The following PCSK4 variants were observed in gnomAD, a reference collection of about 807,000 sequenced individuals.
PCSK4 encodes the protein proprotein convertase subtilisin/kexin type 4, also known as testicular tissue protein Li 135.
In PCSK4, 64 loss-of-function variants were observed where a neutral mutation model predicts 80.3. The ratio of observed to expected loss-of-function variants is 0.80; its 90% CI spans 0.65 to 0.98. The LOEUF is 0.98. Among genes scored for constraint, PCSK4 ranks in the 50% least tolerant of loss-of-function variants. The probability of loss-of-function intolerance (pLI) is 0.00; values close to 1 mark genes in which losing one functional copy is unlikely to be tolerated. For synonymous variants in PCSK4, 561 were observed against 487.6 expected, an observed-to-expected ratio of 1.15 and a Z score of -1.98; for missense variants, 1,213 against 1,093.6, an observed-to-expected ratio of 1.11 and a Z score of -1.54.
exon 7 of PCSK4, chr19:1,487,257 G>A (rs1277486442): frequency 5.0e-6 from 8 of 1,603,810 alleles, no homozygotes; most frequent in Non-Finnish European, 5.9e-6. Flanking sequence ...TGCGGCTGCA[G>A]GCTCAGCGAC....
intron 2 of PCSK4, 25 bp downstream of exon 2, chr19:1,489,768 G>T (rs750556534): frequency 8.8e-6 from 14 of 1,593,240 alleles, no homozygotes; most frequent in Non-Finnish European, 1.2e-5. Flanking sequence ...CCCGGGCAGG[G>T]GGTTGGCCTC....
Position 1,483,031 on chromosome 19 carries a change from AGGGTGGGTGG to A in PCSK4, c.1572-21_1572-12del. 2.4e-6 allele frequency: 1 copy of A among 421,680 alleles called. No homozygotes were observed. Among genetic ancestry groups the A allele is most frequent in the Non-Finnish European group, 4.8e-6 (1 of 208,006 alleles). 26.1% of individuals were successfully genotyped at this position (421,680 alleles called of 1,614,324 possible). ...CTGACGTCCAAGGGTCTGGGACAGA[AGGGTGGGTGG>A]GGGTGGGGGTGTCAAGAGGGATGGC... On this transcript the variant is annotated splice_polypyrimidine_tract_variant and intron_variant, in intron 12 of 14. Coordinates refer to ENST00000300954, the Ensembl canonical transcript of PCSK4.
chr19:1,489,674 C>G, intron 2 of PCSK4, 119 bp downstream of exon 2: 1 of 1,478,242 alleles, frequency 6.8e-7, no homozygotes. Context: ...CCGGGCGGGT[C>G]TGAGCCACAG....
chr19:1,490,675 CCCT>C (rs1387199213), upstream of PCSK4: 4 of 322,596 alleles, frequency 1.2e-5, no homozygotes, highest in Non-Finnish European at 2.3e-5. Context: ...TCCAACACAC[CCCT>C]CCTTCGAGAA....
At position 1,490,155 on chromosome 19, in the gene PCSK4, C is replaced by T; in HGVS notation, c.189+3G>A. ...ACTTCCCGTCTATCCCGGTCCCACC[C>T]ACCGGCCCCAGGTTGACGAAGCCGA... On this transcript the variant is annotated splice_donor_region_variant and intron_variant, in intron 1 of 14. Transcript: ENST00000300954. 1 of 1,613,596 alleles carries T rather than the reference C, an allele frequency of 6.2e-7. No individual in the cohort carries two copies. The highest frequency in any genetic ancestry group is 8.5e-7 in the Non-Finnish European group (1 of 1,179,936).
In PCSK4 at chr19:1,487,997, G is replaced by A. The variant is rs61735614; in HGVS notation, c.483C>T (p.Ile161=). 4.8e-5 allele frequency: 77 copies of A among 1,613,120 alleles called. No individual in the cohort carries two copies. In the African/African-American group the frequency reaches 5.5e-4, roughly 11 times the overall value. Reference sequence around the variant, plus strand: ...CCCAGAGGTCCGGGTGGTCCTTCTCGATGCCATCGTCCAGCACAGAGACCA... The same window carrying A: ...CCCAGAGGTCCGGGTGGTCCTTCTCAATGCCATCGTCCAGCACAGAGACCA... Residue 161 remains isoleucine (I), a synonymous_variant, in exon 4 of 15, where the codon ATC becomes ATT. Transcript: ENST00000300954.
At chr19:1,485,025 G>C (rs750060502) in intron 8 of PCSK4, among the ~76,000 whole-genome samples, 4 of 151,792 alleles carry the variant, frequency 2.6e-5, no homozygotes, top group Non-Finnish European at 4.4e-5. Context: ...GTGTGCACCT[G>C]TAATCCCAGC....
chr19:1,483,203 C>T, intron 12 of PCSK4, 81 bp downstream of exon 12: 1 of 1,382,394 alleles, frequency 7.2e-7, no homozygotes, highest in Non-Finnish European at 9.6e-7. Context: ...CCTGGCCCCT[C>T]CCCGTGAGGA....
At position 1,483,823 on chromosome 19, in the gene PCSK4, C is replaced by A; in HGVS notation, c.1273+15G>T. On this transcript the variant is annotated intron_variant, in intron 10 of 14. Transcript: ENST00000300954. Reference sequence around the variant, plus strand: ...GTGGGCCCCGGGTCCCCGCCCCCGCCCGGCCCCGCCGCACCTTGGCGCCCC... The same window carrying A: ...GTGGGCCCCGGGTCCCCGCCCCCGCACGGCCCCGCCGCACCTTGGCGCCCC... 2 of 1,488,382 alleles carry A rather than the reference C, an allele frequency of 1.3e-6. No individual in the cohort carries two copies. Among genetic ancestry groups the A allele is most frequent in the South Asian group, 1.3e-5 (1 of 77,512 alleles). The allele number at this position is 1,488,382 out of a possible 1,614,324, so 92.2% of individuals were successfully genotyped here.
At chr19:1,490,383 T>G in exon 1 of PCSK4, 1 of 790,760 alleles carries the variant, frequency 1.3e-6, no homozygotes, top group Non-Finnish European at 1.9e-6. Context: ...GCAAATCCCC[T>G]CCCTCCCGCC....
exon 15 of PCSK4, chr19:1,481,935 C>G (rs2084311822): frequency 6.3e-7 from 1 of 1,595,964 alleles, no homozygotes; most frequent in African/African-American, 1.3e-5. Context: ...GGACAGGCGG[C>G]AGCTCTAAGC....
At position 1,487,296 on chromosome 19, in the gene PCSK4, C is replaced by T. The variant is rs374835547; in HGVS notation, c.700G>A (p.Gly234Ser). Residue 234 changes from glycine to serine, a missense_variant, in exon 7 of 15, where the codon GGT becomes AGT. Physicochemically the swap from Gly to Ser is moderately conservative, Grantham distance 56 (BLOSUM62 0). Transcript: ENST00000300954. ...GCCTCGATGACATCGGTGATGGTAC[C>T]GTCCAGCATCCGTACGCCTGCAGAG... 35 of 1,593,852 alleles carry T rather than the reference C, an allele frequency of 2.2e-5. No individual in the cohort carries two copies. The highest frequency in any genetic ancestry group is 1.6e-4 in the African/African-American group (12 of 74,734).
chr19:1,486,916 G>T, exon 8 of PCSK4: 2 of 1,603,590 alleles, frequency 1.2e-6, no homozygotes, highest in Non-Finnish European at 8.5e-7. Context: ...CGCAGGCTTC[G>T]CTGTACCAGG....
rs143738061 is a variant in PCSK4, at chr19:1,482,903, G to T, written c.1689C>A (p.Phe563Leu). ...GCCCCGCCCCGCCCTCACCCGTGTT[G>T]AAATAGTAGCCCTTGTTCTCTAGGC... Residue 563 changes from phenylalanine (F) to leucine (L), a missense_variant, in exon 13 of 15, where the codon TTC becomes TTA. By Grantham distance (22) the Phe-to-Leu change is conservative. Coordinates refer to ENST00000300954, the Ensembl canonical transcript of PCSK4. 2.9e-4 allele frequency: 461 copies of T among 1,580,006 alleles called. 4 individuals are homozygous for T. In the Middle Eastern group the frequency reaches 3.0e-3, roughly 10 times the overall value.
chr19:1,489,285 C>T (rs1178970561), intron 2 of PCSK4, among the ~76,000 whole-genome samples: 1 of 152,172 alleles, frequency 6.6e-6, no homozygotes, highest in Non-Finnish European at 1.5e-5. Context: ...GCGCCTGCCA[C>T]CATGCCCGGC....
In PCSK4 at chr19:1,483,365, G is replaced by A. The variant is rs367578201; in HGVS notation, c.1490C>T (p.Thr497Met). 1.7e-5 allele frequency: 27 copies of A among 1,608,914 alleles called. No individual in the cohort carries two copies. Among genetic ancestry groups the A allele is most frequent in the East Asian group, 1.6e-4 (7 of 44,876 alleles). ...GTCTCCGCGCCGGCTGTAGGACAGC[G>A]TCAGCTGCGCCTGCACGTGCTCCAG... Residue 497 changes from threonine (T) to methionine (M), a missense_variant, in exon 12 of 15, where the codon ACG becomes ATG. Coordinates refer to ENST00000300954, the Ensembl canonical transcript of PCSK4.
intron 2 of PCSK4, among the ~76,000 whole-genome samples, chr19:1,488,652 C>A (rs1176965711): frequency 6.6e-6 from 1 of 152,100 alleles, no homozygotes; most frequent in South Asian, 2.1e-4. Flanking sequence ...GCAATCTTGG[C>A]TCACTGCAAC....
chr19:1,490,237 C>A (rs769385011), exon 1 of PCSK4: 1 of 1,612,800 alleles, frequency 6.2e-7, no homozygotes, highest in African/African-American at 1.3e-5. Flanking sequence ...GACGGCCCAG[C>A]TGCTGACATA....
At chr19:1,484,470 G>A (rs1163978527) in intron 8 of PCSK4, among the ~76,000 whole-genome samples, 1 of 151,520 alleles carries the variant, frequency 6.6e-6, no homozygotes, top group Non-Finnish European at 1.5e-5. Context: ...TCCAGCCTGG[G>A]CAACAGAGCC....
Sources: allele counts gnomAD v4.1 joint callset (sites outside exome capture counted in the v4.1 genomes callset), GRCh38; gene constraint gnomAD v4.1.1; transcripts MANE v1.5; gene names NCBI Gene and HGNC (gene_info 2026-07-23, HGNC 2026-07-21).